Variants in SLCO3A1 observed in about 807,000 individuals in gnomAD.
SLCO3A1 encodes solute carrier organic anion transporter family member 3A1, also known as PGE1 transporter.
In SLCO3A1, 27 loss-of-function variants were observed where a neutral mutation model predicts 63.1. That is an observed-to-expected ratio of 0.43 (90% CI 0.32 to 0.59). The LOEUF is 0.59. Among genes scored for constraint, SLCO3A1 ranks in the 20% least tolerant of loss-of-function variants. The pLI, the probability that SLCO3A1 is intolerant of heterozygous loss-of-function variation, is 0.09. For synonymous variants in SLCO3A1, 473 were observed against 409.9 expected, an observed-to-expected ratio of 1.15 and a Z score of -1.86; for missense variants, 773 against 945.8, an observed-to-expected ratio of 0.82 and a Z score of 2.40.
chr15:92,134,032 T>C (rs1003072273), intron 7 of SLCO3A1, among the ~76,000 whole-genome samples: 3 of 152,144 alleles, frequency 2.0e-5, no homozygotes, highest in Non-Finnish European at 4.4e-5. Context: ...CCTGAAAAAG[T>C]TGGAAGATAG....
rs551285560 is a variant in SLCO3A1, at chr15:91,944,433, A to G, written c.646+27975A>G. On this transcript the variant is annotated intron_variant, in intron 2 of 9. Transcript: ENST00000318445. Reference sequence around the variant, plus strand: ...CAAAGTGAGACAAAGCATTGGGTGAACCCTCTTCTCAGTACCAGCTTCACA... The same window carrying G: ...CAAAGTGAGACAAAGCATTGGGTGAGCCCTCTTCTCAGTACCAGCTTCACA... 2.0e-5 allele frequency among the ~76,000 whole-genome samples: 3 copies of G among 152,062 alleles called. No individual in the cohort carries two copies. In the East Asian group the frequency reaches 5.8e-4, roughly 30 times the overall value.
At position 92,033,678 on chromosome 15, in the gene SLCO3A1, G is replaced by C. The variant is rs1567078384; in HGVS notation, c.647-61203G>C. On this transcript the variant is annotated intron_variant, in intron 2 of 9. Coordinates refer to ENST00000318445, the MANE Select transcript of SLCO3A1 (RefSeq NM_013272.4). This position sits in a 1 kb window ranked among gnomAD's most constrained non-coding sequence, Gnocchi z 4.5. ...CATATTCCAGTGAGGGAGAGAGACA[G>C]TAAACAATATAACTAAGAAGAGTAG... Among the ~76,000 whole-genome samples, 1 of 152,202 alleles carries C rather than the reference G, an allele frequency of 6.6e-6. No individual in the cohort carries two copies.
chr15:91,866,847 G>C (rs1446727705), intron 1 of SLCO3A1, among the ~76,000 whole-genome samples: 1 of 152,154 alleles, frequency 6.6e-6, no homozygotes, highest in African/African-American at 2.4e-5. Context: ...CAATAGACCA[G>C]ACTAAAAATA....
intron 1 of SLCO3A1, among the ~76,000 whole-genome samples, chr15:91,906,403 G>A (rs1389282161): frequency 6.6e-6 from 1 of 152,118 alleles, no homozygotes; most frequent in Non-Finnish European, 1.5e-5. Context: ...CTGGTTGAGG[G>A]CAGAGACCAG....
chr15:92,050,840 C>G (rs1191079859), intron 2 of SLCO3A1, among the ~76,000 whole-genome samples: 1 of 152,180 alleles, frequency 6.6e-6, no homozygotes, highest in Non-Finnish European at 1.5e-5. Flanking sequence ...GCTGTTACGG[C>G]TCGGGATGAT....
In SLCO3A1 at chr15:92,057,098, C is replaced by G. The variant is rs535657476; in HGVS notation, c.647-37783C>G. Among the ~76,000 whole-genome samples, 4 of 152,346 alleles carry G rather than the reference C, an allele frequency of 2.6e-5. No homozygotes were observed. In the East Asian group the frequency reaches 7.7e-4, roughly 29 times the overall value. ...CTATCAGAGCACCCAGCCAGCTGCT[C>G]TGCTGTGCCCGTCTCAGGAAGCCTG... On this transcript the variant is annotated intron_variant, in intron 2 of 9. Transcript: ENST00000318445.
intron 3 of SLCO3A1, among the ~76,000 whole-genome samples, chr15:92,102,235 G>T (rs1290676059): frequency 6.6e-6 from 1 of 152,134 alleles, no homozygotes. Context: ...AAATATTCCT[G>T]TTCAGCTACC....
At chr15:92,060,603 A>G (rs2047075825) in intron 2 of SLCO3A1, among the ~76,000 whole-genome samples, 1 of 151,724 alleles carries the variant, frequency 6.6e-6, no homozygotes, top group Non-Finnish European at 1.5e-5. Flanking sequence ...GGGTTCAGGC[A>G]GTTCTCCTGC....
chr15:92,129,157 T>A (rs1352886524), intron 7 of SLCO3A1, among the ~76,000 whole-genome samples: 1 of 152,134 alleles, frequency 6.6e-6, no homozygotes, highest in Non-Finnish European at 1.5e-5. Flanking sequence ...CCCGCCCCCA[T>A]CTCTTGCTTG....
Position 92,162,885 on chromosome 15 carries a change from G to C in SLCO3A1, c.1883G>C (p.Ser628Thr), listed in dbSNP as rs1439117562. ...GTGGTCTACCGATACCTGTATGTCA[G>C]CATCGCCATCGCGCTCAAATCCTTC... ...DNVVYRYLYV[S>T]IAIALKSFAF... Residue 628 changes from serine to threonine, a missense_variant, in exon 10 of 10, where the codon AGC (serine) becomes ACC (threonine). Ser to Thr is a moderately conservative substitution (Grantham distance 58). Transcript: ENST00000318445. 9 of 1,614,116 alleles carry C rather than the reference G, an allele frequency of 5.6e-6. No individual in the cohort carries two copies. The African/African-American group carries it at 1.1e-4, about 19-fold the overall frequency.
At chr15:91,879,538 A>G (rs368621242) in intron 1 of SLCO3A1, among the ~76,000 whole-genome samples, 1 of 152,224 alleles carries the variant, frequency 6.6e-6, no homozygotes, top group African/African-American at 2.4e-5. Context: ...ACATGTAACA[A>G]ATCAGCATTT....
chr15:91,932,407 G>A (rs572069642), intron 2 of SLCO3A1, among the ~76,000 whole-genome samples: 42 of 151,496 alleles, frequency 2.8e-4, no homozygotes, highest in South Asian at 6.3e-4. Flanking sequence ...TCCCTTCTCC[G>A]TGATTATTTT....
chr15:91,970,665 C>T (rs1285402949), intron 2 of SLCO3A1, among the ~76,000 whole-genome samples: 1 of 152,186 alleles, frequency 6.6e-6, no homozygotes, highest in African/African-American at 2.4e-5. Context: ...CTCCTTCAAA[C>T]CTCTGGGTTT....
chr15:91,871,917 A>G (rs1486066199), intron 1 of SLCO3A1, among the ~76,000 whole-genome samples: 1 of 151,718 alleles, frequency 6.6e-6, no homozygotes, highest in Non-Finnish European at 1.5e-5. Context: ...AGATTGTGTA[A>G]TATTCCATTG....
chr15:91,973,033 T>A (rs1020086376), intron 2 of SLCO3A1, among the ~76,000 whole-genome samples: 2 of 152,202 alleles, frequency 1.3e-5, no homozygotes, highest in African/African-American at 2.4e-5. Flanking sequence ...GAGAATCGCT[T>A]GAACCCGGGA....
Position 91,854,323 on chromosome 15 carries a change from G to T in SLCO3A1, c.180+235G>T. 2 of 1,140,312 alleles carry T rather than the reference G, an allele frequency of 1.8e-6. No homozygotes were observed. Among genetic ancestry groups the T allele is most frequent in the Non-Finnish European group, 2.2e-6 (2 of 928,660 alleles). The allele number at this position is 1,140,312 out of a possible 1,614,324, so 70.6% of individuals were successfully genotyped here. A position where few individuals can be genotyped will look rare whatever the true frequency, so the allele number is the denominator to read the frequency against. On this transcript the variant is annotated intron_variant, in intron 1 of 9. Transcript: ENST00000318445. This position sits in a 1 kb window ranked among gnomAD's most constrained non-coding sequence, Gnocchi z 6.4. ...GCCGGTAGCAGCTCGCGCGCGTCCG[G>T]CTGGGGCAGGGGGTGCCGGGGGAGG...
chr15:92,097,319 G>T (rs576565345), intron 3 of SLCO3A1, among the ~76,000 whole-genome samples: 13 of 152,322 alleles, frequency 8.5e-5, no homozygotes, highest in Admixed American at 2.0e-4. Flanking sequence ...CCTGCCTGTG[G>T]AGATTTCACT....
At chr15:92,039,468 A>C (rs1407658235) in intron 2 of SLCO3A1, among the ~76,000 whole-genome samples, 1 of 152,228 alleles carries the variant, frequency 6.6e-6, no homozygotes, top group African/African-American at 2.4e-5. Flanking sequence ...ATAGGAAGAA[A>C]AGCTCCATAT....
In SLCO3A1 at chr15:91,941,556, A is replaced by G. The variant is rs1326840336; in HGVS notation, c.646+25098A>G. On this transcript the variant is annotated intron_variant, in intron 2 of 9. Transcript: ENST00000318445. This position sits in a 1 kb window ranked among gnomAD's most constrained non-coding sequence, Gnocchi z 4.4. ...CCTCACTTTCTTGGCAATTAGATGA[A>G]CCAGAGGTTTATTTCACTCAGTAAG... The G allele has an allele frequency of 2.2e-5, 10 of 455,644 alleles. No individual in the cohort carries two copies. In the East Asian group the frequency reaches 6.3e-4, roughly 29 times the overall value. 28.2% of individuals were successfully genotyped at this position (455,644 alleles called of 1,614,324 possible). A position where few individuals can be genotyped will look rare whatever the true frequency, so the allele number is the denominator to read the frequency against.
Sources: gnomAD v4.1 joint callset for allele counts (sites outside exome capture counted in the v4.1 genomes callset) on GRCh38, gnomAD v4.1.1 for gene constraint, Gnocchi (gnomAD v3.1) non-coding constraint, MANE v1.5 for transcripts, NCBI Gene and HGNC (gene_info 2026-07-23, HGNC 2026-07-21) for gene names.